ZFHX3: variants seen among roughly 807,000 people sequenced by gnomAD.
ZFHX3 encodes the protein zinc finger homeobox 3, also known as zinc finger homeobox protein 3.
In ZFHX3, 42 loss-of-function variants were observed where a neutral mutation model predicts 279.1. That is an observed-to-expected ratio of 0.15 (90% CI 0.12 to 0.19). The LOEUF (loss-of-function observed/expected upper bound fraction) is 0.19, where lower values mean the gene tolerates loss of function less well. ZFHX3 is among the 10% of genes least tolerant of loss of function. The pLI is 1.00. For missense variants in ZFHX3, 4,981 were observed against 4,754.0 expected, an observed-to-expected ratio of 1.05 and a Z score of -1.40; for synonymous variants, 2,293 against 1,957.8, an observed-to-expected ratio of 1.17 and a Z score of -4.52.
intron 1 of ZFHX3, among the ~76,000 whole-genome samples, chr16:73,801,268 T>G (rs112976097): frequency 0.061 from 9,213 of 152,244 alleles, 406 homozygotes; most frequent in Non-Finnish European, 0.088. Context: ...GCCTGAGCAA[T>G]TCAAACCAGT....
chr16:72,958,817 C>A lies in ZFHX3; in HGVS notation c.1329G>T (p.Lys443Asn). The A allele has an allele frequency of 2.5e-6, 4 of 1,614,152 alleles. No homozygotes were observed. Among genetic ancestry groups the A allele is most frequent in the Non-Finnish European group, 3.4e-6 (4 of 1,180,038 alleles). Residue 443 changes from lysine (K) to asparagine (N), a missense_variant, in exon 2 of 10, where the codon AAG (lysine) becomes AAT (asparagine). By Grantham distance (94) the Lys-to-Asn change is moderately conservative. This residue lies in a region of ZFHX3 where 1,068 missense variants were observed against 935.2 expected (regional missense o/e 1.14). Coordinates refer to ENST00000268489, the MANE Select transcript of ZFHX3 (RefSeq NM_006885.4). ...AGCAATCCCCGTCGCCCACTTCCTG[C>A]TTCTCTCCTTCTGCCGCCCCAGAGT... ...GKDSGAAEGE[K>N]QEVGDGDCFS...
chr16:72,802,068 T>C (rs996771885), intron 7 of ZFHX3, among the ~76,000 whole-genome samples: 1 of 151,952 alleles, frequency 6.6e-6, no homozygotes, highest in African/African-American at 2.4e-5. Flanking sequence ...ATCTAACACC[T>C]CAGCTGCACA....
At chr16:73,314,954 G>A (rs150987974) in intron 4 of ZFHX3, among the ~76,000 whole-genome samples, 2,755 of 152,322 alleles carry the variant, frequency 0.018, 87 homozygotes, top group African/African-American at 0.062. Flanking sequence ...CAGGCTGGGC[G>A]TGATGGCTCA....
Position 73,262,140 on chromosome 16 carries a change from T to C in ZFHX3, c.-1193-5004A>G, listed in dbSNP as rs74030021. Among the ~76,000 whole-genome samples, 1,003 of 152,312 alleles carry C rather than the reference T, an allele frequency of 6.6e-3. 11 individuals are homozygous for C. The highest frequency in any genetic ancestry group is 0.023 in the African/African-American group (953 of 41,564). The stretch of plus-strand genomic sequence containing the variant: ...CTATTAATAATGCCACATTTTCACA[T>C]TTAAGTGAATTTAATCAATATTTGT... On this transcript the variant is annotated intron_variant, in intron 4 of 17. Coordinates refer to the ZFHX3 transcript ENST00000641206.
intron 3 of ZFHX3, among the ~76,000 whole-genome samples, chr16:73,378,369 GT>G (rs1231626918): frequency 6.6e-6 from 1 of 152,036 alleles, no homozygotes; most frequent in South Asian, 2.1e-4. Context: ...GCCCTTTAAG[GT>G]TTTTCTTTTG....
intron 3 of ZFHX3, among the ~76,000 whole-genome samples, chr16:72,920,636 C>T (rs1451698489): frequency 6.6e-6 from 1 of 151,862 alleles, no homozygotes; most frequent in Non-Finnish European, 1.5e-5. Context: ...CACCATTGCA[C>T]TCCAGCCTGG....
chr16:73,576,098 A>G (rs951939737), intron 2 of ZFHX3, among the ~76,000 whole-genome samples: 1 of 152,134 alleles, frequency 6.6e-6, no homozygotes, highest in African/African-American at 2.4e-5. Context: ...CACACTCACT[A>G]AAATGAGCAT....
intron 4 of ZFHX3, among the ~76,000 whole-genome samples, chr16:72,846,038 T>C (rs1437151907): frequency 6.6e-6 from 1 of 152,094 alleles, no homozygotes. Context: ...ACCCATCACA[T>C]ATCCATGTGG....
At chr16:73,414,185 T>C (rs1310252501) in intron 3 of ZFHX3, among the ~76,000 whole-genome samples, 1 of 152,260 alleles carries the variant, frequency 6.6e-6, no homozygotes, top group Non-Finnish European at 1.5e-5. Flanking sequence ...TCAAGTGTAG[T>C]TACTCCTTTT....
chr16:73,079,868 T>C lies in ZFHX3; in HGVS notation c.-533+13367A>G, dbSNP rs77734804. ...CTCTGATTGTTAGAGAAGATGGTCA[T>C]TATTTTGAGCCTTTTAAATAGATCC... On this transcript the variant is annotated intron_variant, in intron 8 of 17. Transcript: ENST00000641206. 6.5e-3 allele frequency among the ~76,000 whole-genome samples: 993 copies of C among 152,294 alleles called. 11 individuals carry two copies. Among genetic ancestry groups the C allele is most frequent in the African/African-American group, 0.023 (957 of 41,574 alleles).
chr16:73,371,514 C>T (rs1208858210), intron 3 of ZFHX3, among the ~76,000 whole-genome samples: 1 of 151,606 alleles, frequency 6.6e-6, no homozygotes, highest in Non-Finnish European at 1.5e-5. Context: ...AAACCGAGTA[C>T]CAGGTAAGTT....
chr16:73,259,088 G>T (rs2013742513), intron 4 of ZFHX3, among the ~76,000 whole-genome samples: 2 of 152,094 alleles, frequency 1.3e-5, no homozygotes, highest in Non-Finnish European at 2.9e-5. Flanking sequence ...TACCACAATG[G>T]CTTGACATTT....
intron 2 of ZFHX3, among the ~76,000 whole-genome samples, chr16:73,575,107 C>T (rs1476234223): frequency 6.6e-6 from 1 of 152,216 alleles, no homozygotes; most frequent in Non-Finnish European, 1.5e-5. Flanking sequence ...CAGCTGCCTT[C>T]TTCCTATGTT....
intron 3 of ZFHX3, among the ~76,000 whole-genome samples, chr16:72,913,741 T>C (rs1236655184): frequency 6.6e-6 from 1 of 152,142 alleles, no homozygotes; most frequent in Non-Finnish European, 1.5e-5. Flanking sequence ...TAAAAACATC[T>C]CGTAAAAGAG....
At chr16:73,703,889 G>T (rs1429398411) in intron 1 of ZFHX3, among the ~76,000 whole-genome samples, 1 of 152,162 alleles carries the variant, frequency 6.6e-6, no homozygotes, top group Non-Finnish European at 1.5e-5. Context: ...GGAATAAAAA[G>T]CAAGGTGAAA....
chr16:73,007,589 G>C (rs1963757178), intron 1 of ZFHX3, among the ~76,000 whole-genome samples: 1 of 152,010 alleles, frequency 6.6e-6, no homozygotes, highest in Non-Finnish European at 1.5e-5. Flanking sequence ...TGGGACTACG[G>C]GTGCCCACCA....
In ZFHX3 at chr16:72,795,182, A is replaced by G. The variant is rs1231565373; in HGVS notation, c.7500T>C (p.Ser2500=). The part of the protein sequence containing the change: ...PQCPLPQSSP[S]PSQLSHLPLK... ...GGGGCAGGTGGGAGAGCTGGGAAGG[A>G]CTGGGGCTCGACTGGGGTAAGGGGC... Residue 2500 remains serine (S), a synonymous_variant, in exon 9 of 10, where the codon AGT becomes AGC. Coordinates refer to ENST00000268489, the MANE Select transcript of ZFHX3 (RefSeq NM_006885.4). The G allele has an allele frequency of 1.2e-6, 2 of 1,607,002 alleles. No individual in the cohort carries two copies. Among genetic ancestry groups the G allele is most frequent in the Non-Finnish European group, 1.7e-6 (2 of 1,176,658 alleles).
At chr16:73,786,504 C>G (rs1306554351) in intron 1 of ZFHX3, among the ~76,000 whole-genome samples, 3 of 152,140 alleles carry the variant, frequency 2.0e-5, no homozygotes. Context: ...ATCTGTACAT[C>G]TTTTATCTTG....
At chr16:73,714,315 C>T (rs2053393490) in intron 1 of ZFHX3, among the ~76,000 whole-genome samples, 1 of 152,142 alleles carries the variant, frequency 6.6e-6, no homozygotes, top group Non-Finnish European at 1.5e-5. Flanking sequence ...AGCAAGGCAG[C>T]TGCTTCCAGC....
Sources: allele counts gnomAD v4.1 joint callset (sites outside exome capture counted in the v4.1 genomes callset), GRCh38; gene constraint gnomAD v4.1.1; regional missense constraint gnomAD v4.1.1; transcripts MANE v1.5; gene names NCBI Gene and HGNC (gene_info 2026-07-23, HGNC 2026-07-21).